The following PSME4 variants were observed in gnomAD, a reference collection of about 807,000 sequenced individuals.
PSME4 encodes proteasome activator complex subunit 4.
A neutral mutation model predicts 253.9 loss-of-function variants in PSME4; 89 were observed. The ratio of observed to expected loss-of-function variants is 0.35; its 90% CI spans 0.30 to 0.42. The LOEUF is 0.42. Among genes scored for constraint, PSME4 ranks in the 10% least tolerant of loss-of-function variants. The pLI is 1.00. For synonymous variants in PSME4, 851 were observed against 759.2 expected (o/e 1.12, Z -1.99); for missense variants, 2,014 against 2,195.2 (o/e 0.92, Z 1.65).
intron 26 of PSME4, 97 bp downstream of exon 26, chr2:53,906,501 G>A (rs9309251): frequency 0.07 from 95,989 of 1,378,032 alleles, 5,554 homozygotes; most frequent in African/African-American, 0.31. Context: ...CCAATTATGG[G>A]TGAAATTATT....
At position 53,919,186 on chromosome 2, in the gene PSME4, G is replaced by A; in HGVS notation, c.2481C>T (p.Leu827=). The A allele has an allele frequency of 6.2e-7, 1 of 1,612,170 alleles. No homozygotes were observed. Among genetic ancestry groups the A allele is most frequent in the Non-Finnish European group, 8.5e-7 (1 of 1,179,274 alleles). The change falls in exon 20 of 47, where the codon CTC becomes CTT. Residue 827 remains leucine (L), a synonymous_variant. Transcript: ENST00000404125. ...CTGGCTCTCCTTTCAACGGAGGTAG[G>A]AGGTTTCCAGAGCCAATTAAACAGT... ...VHNCLIGSGN[L]LPPLKGEPVT... is the part of the protein sequence containing the mutation.
In PSME4 at chr2:53,908,471, C is replaced by T. The variant is rs199670254; in HGVS notation, c.2685+39G>A. The T allele has an allele frequency of 6.2e-4, 999 of 1,610,296 alleles. 9 individuals carry two copies. In the Middle Eastern group the frequency reaches 0.016, roughly 25 times the overall value. ...TGCAAGTCATCAATCCAAGCTTGAT[C>T]GTATTAATCATTATGCAACTATCAA... On this transcript the variant is annotated intron_variant, in intron 23 of 46. Coordinates refer to ENST00000404125, the MANE Select transcript of PSME4 (RefSeq NM_014614.3).
chr2:53,955,964 A>C (rs1027653427), intron 1 of PSME4, among the ~76,000 whole-genome samples: 5 of 152,128 alleles, frequency 3.3e-5, no homozygotes, highest in African/African-American at 1.2e-4. Flanking sequence ...AGTAGATACC[A>C]TAAAATAGTC....
At chr2:53,935,809 T>A (rs1669078477) in intron 7 of PSME4, among the ~76,000 whole-genome samples, 1 of 152,226 alleles carries the variant, frequency 6.6e-6, no homozygotes, top group Non-Finnish European at 1.5e-5. Flanking sequence ...AAGAAAATTT[T>A]ATGTGCCACT....
intron 36 of PSME4, among the ~76,000 whole-genome samples, chr2:53,891,240 TAA>T (rs1401234950): frequency 4.6e-5 from 7 of 152,100 alleles, no homozygotes; most frequent in Admixed American, 3.9e-4. Flanking sequence ...AAATAGCCCA[TAA>T]AAACATGTAC....
intron 29 of PSME4, 119 bp downstream of exon 29, chr2:53,899,762 G>T (rs970288872): frequency 2.4e-6 from 3 of 1,235,364 alleles, no homozygotes; most frequent in Non-Finnish European, 2.3e-6. Flanking sequence ...AGGTTGCAGT[G>T]AGCCATGATC....
At chr2:53,876,697 GGCTGTA>G (rs1389269308) in intron 41 of PSME4, among the ~76,000 whole-genome samples, 9 of 140,454 alleles carry the variant, frequency 6.4e-5, no homozygotes, top group Non-Finnish European at 1.1e-4. Context: ...CAAATCTGAT[GGCTGTA>G]GCCACTGTCA....
chr2:53,951,046 C>T (rs1456110147), intron 1 of PSME4, among the ~76,000 whole-genome samples: 2 of 152,054 alleles, frequency 1.3e-5, no homozygotes, highest in Non-Finnish European at 2.9e-5. Flanking sequence ...CTTTAACACT[C>T]CCCCAGTACC....
chr2:53,889,670 A>G (rs1468257609), intron 37 of PSME4, among the ~76,000 whole-genome samples: 2 of 152,242 alleles, frequency 1.3e-5, no homozygotes, highest in African/African-American at 4.8e-5. Context: ...ATTATCTTCA[A>G]TCAAAGTACA....
intron 18 of PSME4, 92 bp downstream of exon 18, chr2:53,920,797 A>G (rs1668279610): frequency 6.5e-6 from 7 of 1,078,112 alleles, no homozygotes. Context: ...TAAAAGTAAA[A>G]AACTAACATA....
chr2:53,866,353 A>G (rs1178336443), intron 45 of PSME4, 130 bp from the exon 46 acceptor site: 2 of 993,420 alleles, frequency 2.0e-6, no homozygotes, highest in African/African-American at 3.3e-5. Context: ...TACAAAACCA[A>G]AAAGCCAATG....
At chr2:53,881,046 G>T (rs1012549327) in intron 41 of PSME4, among the ~76,000 whole-genome samples, 2 of 152,046 alleles carry the variant, frequency 1.3e-5, no homozygotes, top group African/African-American at 2.4e-5. Context: ...ATACTCTCAA[G>T]TACAGCATGG....
intron 43 of PSME4, among the ~76,000 whole-genome samples, chr2:53,871,379 TAGCTGGGACTAC>T (rs1558640983): frequency 2.0e-5 from 3 of 151,956 alleles, no homozygotes; most frequent in African/African-American, 7.2e-5. Flanking sequence ...GCCTCCCAAG[TAGCTGGGACTAC>T]AGCTACAACC....
At chr2:53,959,272 G>C (rs1426311916) in intron 1 of PSME4, among the ~76,000 whole-genome samples, 1 of 152,184 alleles carries the variant, frequency 6.6e-6, no homozygotes, top group African/African-American at 2.4e-5. Flanking sequence ...GGCTGAGGCA[G>C]GAGAATCGCT....
chr2:53,940,982 TA>T (rs1669419905), intron 3 of PSME4, among the ~76,000 whole-genome samples: 1 of 79,822 alleles, frequency 1.3e-5, no homozygotes, highest in Non-Finnish European at 2.7e-5. Context: ...TATATATATA[TA>T]TATATATATA....
At chr2:53,884,421 G>A (rs1308271632) in intron 41 of PSME4, among the ~76,000 whole-genome samples, 1 of 152,172 alleles carries the variant, frequency 6.6e-6, no homozygotes, top group African/African-American at 2.4e-5. Flanking sequence ...ATGTTGGCCA[G>A]GATGGTCTCG....
chr2:53,967,649 C>CAAAAAAAAAA lies in PSME4; in HGVS notation c.242+2884_242+2893dup, dbSNP rs71408747. ...TCTGGGCAACAGAGTGAGATTGTCT[C>CAAAAAAAAAA]AAAAAAAAAAAAAAAAAAAAAAAAA... is the stretch of plus-strand genomic sequence containing the variant. On this transcript the variant is annotated intron_variant, in intron 1 of 46. Coordinates refer to ENST00000404125, the MANE Select transcript of PSME4 (RefSeq NM_014614.3). 4.3e-3 allele frequency among the ~76,000 whole-genome samples: 92 copies of CAAAAAAAAAA among 21,544 alleles called. 7 individuals are homozygous for CAAAAAAAAAA. The highest frequency in any genetic ancestry group is 7.1e-3 in the African/African-American group (38 of 5,318). The allele number at this position is 21,544 out of a possible 152,430, so 14.1% of individuals were successfully genotyped here. A position where few individuals can be genotyped will look rare whatever the true frequency, so the allele number is the denominator to read the frequency against.
At chr2:53,890,353 C>T (rs2104425728) in intron 36 of PSME4, 145 bp from the exon 37 acceptor site, 2 of 618,812 alleles carry the variant, frequency 3.2e-6, no homozygotes, top group Non-Finnish European at 5.6e-6. Context: ...ATTGCCCAGG[C>T]TGGAGTGCAG....
At chr2:53,876,175 G>T (rs1679110107) in intron 41 of PSME4, among the ~76,000 whole-genome samples, 1 of 152,114 alleles carries the variant, frequency 6.6e-6, no homozygotes, top group Non-Finnish European at 1.5e-5. Context: ...TATTACAACT[G>T]GTTTTTTGAA....
Sources: gnomAD v4.1 joint callset for allele counts (sites outside exome capture counted in the v4.1 genomes callset) on GRCh38, gnomAD v4.1.1 for gene constraint, MANE v1.5 for transcripts, NCBI Gene and HGNC (gene_info 2026-07-23, HGNC 2026-07-21) for gene names.